The following ARB2A variants were observed in gnomAD, a reference collection of about 807,000 sequenced individuals.
ARB2A encodes the protein cotranscriptional regulator ARB2A.
chr5:93,894,418 A>C, the ARB2A span, among the ~76,000 whole-genome samples: 2 of 152,166 alleles, frequency 1.3e-5, no homozygotes, highest in Non-Finnish European at 2.9e-5. Context: ...TTAAAAAAAA[A>C]AGAGAGAATT....
At chr5:94,002,695 T>C in the ARB2A span, among the ~76,000 whole-genome samples, 1,202 of 126,756 alleles carry the variant, frequency 9.5e-3, 26 homozygotes, top group Non-Finnish European at 8.2e-3. Context: ...ACTAGAAGTC[T>C]CTTTCTTTTT....
the ARB2A span, among the ~76,000 whole-genome samples, chr5:93,984,334 T>G: frequency 7.9e-5 from 12 of 152,300 alleles, no homozygotes; most frequent in Non-Finnish European, 1.3e-4. Flanking sequence ...GCTACTGACA[T>G]TGCATCTTTA....
chr5:93,873,472 A>G, the ARB2A span, among the ~76,000 whole-genome samples: 1 of 151,920 alleles, frequency 6.6e-6, no homozygotes, highest in South Asian at 2.1e-4. Flanking sequence ...GGGAAAGGGA[A>G]AGGAGAAAAA....
At chr5:93,869,958 A>G in the ARB2A span, among the ~76,000 whole-genome samples, 1 of 152,214 alleles carries the variant, frequency 6.6e-6, no homozygotes, top group Admixed American at 6.5e-5. Flanking sequence ...TGCTCACACA[A>G]AGCCTGTTTG....
the ARB2A span, chr5:93,781,889 G>C: frequency 2.0e-6 from 2 of 985,174 alleles, no homozygotes; most frequent in African/African-American, 1.7e-5. Flanking sequence ...CCATGCTTAA[G>C]ACAACAGCCC....
chr5:93,761,512 G>A, the ARB2A span, among the ~76,000 whole-genome samples: 1 of 152,180 alleles, frequency 6.6e-6, no homozygotes, highest in East Asian at 1.9e-4. Context: ...CTGGGGGAAG[G>A]GCGCCCACCA....
the ARB2A span, among the ~76,000 whole-genome samples, chr5:93,989,520 T>C: frequency 6.6e-6 from 1 of 152,120 alleles, no homozygotes; most frequent in Non-Finnish European, 1.5e-5. Context: ...CCCAATCCCC[T>C]GTTTAAGAGC....
chr5:94,087,859 C>T, the ARB2A span, among the ~76,000 whole-genome samples: 1 of 152,120 alleles, frequency 6.6e-6, no homozygotes, highest in Non-Finnish European at 1.5e-5. Context: ...AGCCTTGGAG[C>T]AATATATACC....
At chr5:93,672,318 CT>C in the ARB2A span, among the ~76,000 whole-genome samples, 6,812 of 143,226 alleles carry the variant, frequency 0.048, 395 homozygotes, top group African/African-American at 0.15. Flanking sequence ...CACTAATGTT[CT>C]TTTTTTTTTT....
the ARB2A span, among the ~76,000 whole-genome samples, chr5:93,710,272 G>GTTTAACTATA: frequency 6.6e-6 from 1 of 152,044 alleles, no homozygotes; most frequent in African/African-American, 2.4e-5. Flanking sequence ...TAGTTGCAAC[G>GTTTAACTATA]GTTAAAATTA....
At chr5:94,076,862 G>A in the ARB2A span, among the ~76,000 whole-genome samples, 7 of 151,980 alleles carry the variant, frequency 4.6e-5, no homozygotes, top group African/African-American at 1.7e-4. Flanking sequence ...CAAATTGTCC[G>A]ATTTCTGAAC....
At chr5:93,675,237 G>C in the ARB2A span, among the ~76,000 whole-genome samples, 4 of 152,240 alleles carry the variant, frequency 2.6e-5, no homozygotes, top group African/African-American at 9.6e-5. Flanking sequence ...CTAGGTTACA[G>C]TTGTTCACGA....
chr5:94,035,890 G>A, the ARB2A span, among the ~76,000 whole-genome samples: 16 of 152,008 alleles, frequency 1.1e-4, no homozygotes, highest in Non-Finnish European at 2.4e-4. Flanking sequence ...GACAGCATTA[G>A]GAGAAATACC....
chr5:93,648,807 T>C, the ARB2A span, among the ~76,000 whole-genome samples: 4 of 152,188 alleles, frequency 2.6e-5, no homozygotes, highest in Non-Finnish European at 5.9e-5. Context: ...TAACTTTAAT[T>C]TGTCCCGATT....
the ARB2A span, among the ~76,000 whole-genome samples, chr5:94,077,300 G>T: frequency 6.6e-6 from 1 of 151,824 alleles, no homozygotes; most frequent in Non-Finnish European, 1.5e-5. Context: ...TTGAACCTGG[G>T]AGGCAGAGGT....
chr5:93,795,104 C>G, the ARB2A span, among the ~76,000 whole-genome samples: 1 of 152,040 alleles, frequency 6.6e-6, no homozygotes, highest in Non-Finnish European at 1.5e-5. Context: ...TGAGCTCAGT[C>G]TCTCCTCTGG....
the ARB2A span, among the ~76,000 whole-genome samples, chr5:93,857,847 T>A: frequency 6.6e-6 from 1 of 152,166 alleles, no homozygotes; most frequent in African/African-American, 2.4e-5. Context: ...GTACCTCAGA[T>A]GGAAATGCAG....
At chr5:93,891,955 C>G in the ARB2A span, among the ~76,000 whole-genome samples, 1 of 152,178 alleles carries the variant, frequency 6.6e-6, no homozygotes, top group Non-Finnish European at 1.5e-5. Flanking sequence ...GGCCTATTCA[C>G]TCATGAATCC....
At chr5:93,751,929 G>GAAGT in the ARB2A span, among the ~76,000 whole-genome samples, 4 of 152,162 alleles carry the variant, frequency 2.6e-5, no homozygotes, top group Non-Finnish European at 5.9e-5. Context: ...ACATCAAAGG[G>GAAGT]AAGTGAAGGG....
Sources: gnomAD v4.1 joint callset for allele counts (sites outside exome capture counted in the v4.1 genomes callset) on GRCh38, gnomAD v4.1.1 for gene constraint, MANE v1.5 for transcripts, NCBI Gene and HGNC (gene_info 2026-07-23, HGNC 2026-07-21) for gene names.